The following TSN variants were observed in gnomAD, a reference collection of about 807,000 sequenced individuals.
The protein encoded by TSN is translin, also known as component 3 of promoter of RISC.
TSN carries 5 observed loss-of-function variants against 29.4 expected under a neutral mutation model. That is an observed-to-expected ratio of 0.17 (90% CI 0.09 to 0.36). TSN has a LOEUF of 0.36. Among genes scored for constraint, TSN ranks in the 10% least tolerant of loss-of-function variants. The probability of loss-of-function intolerance (pLI) is 1.00; values close to 1 mark genes in which losing one functional copy is unlikely to be tolerated. For synonymous variants in TSN, 106 were observed against 102.2 expected, an observed-to-expected ratio of 1.04 and a Z score of -0.23; for missense variants, 159 against 272.8, an observed-to-expected ratio of 0.58 and a Z score of 2.94.
Position 121,759,535 on chromosome 2 carries a change from C to T in TSN, c.257+729C>T, listed in dbSNP as rs996499757. 2.0e-5 allele frequency among the ~76,000 whole-genome samples: 3 copies of T among 151,984 alleles called. No individual in the cohort carries two copies. In the South Asian group the frequency reaches 6.2e-4, roughly 32 times the overall value. ...AGGCAGGAGAATCGCTTGAACCAGG[C>T]AGGCGGAGGTTGCAGTGAGCCAAGA... On this transcript the variant is annotated intron_variant, in intron 3 of 5. Coordinates refer to ENST00000389682, the MANE Select transcript of TSN (RefSeq NM_004622.3).
At chr2:121,763,886 T>A (rs1053565620) in intron 5 of TSN, among the ~76,000 whole-genome samples, 23 of 152,238 alleles carry the variant, frequency 1.5e-4, no homozygotes, top group African/African-American at 5.5e-4. Flanking sequence ...TAAGAAAAAG[T>A]TTGCTTGTCC....
In TSN at chr2:121,761,386, T is replaced by G. The variant is rs765590137; in HGVS notation, c.258-23T>G. The stretch of plus-strand genomic sequence containing the variant: ...TCTGAAGGTCCCTAACCTTGGAGGC[T>G]AAATGTGCTTATTTTCATGCAGATT... On this transcript the variant is annotated intron_variant, in intron 3 of 5. Transcript: ENST00000389682. 17 of 1,585,520 alleles carry G rather than the reference T, an allele frequency of 1.1e-5. No homozygotes were observed. In the Admixed American group the frequency reaches 2.8e-4, roughly 26 times the overall value.
rs1308764243 is a variant in TSN, at chr2:121,766,933, G to C, written c.*1566G>C. 2.6e-5 allele frequency: 4 copies of C among 152,302 alleles called. No homozygotes were observed. The East Asian group carries it at 7.7e-4, about 29-fold the overall frequency. The allele number at this position is 152,302 out of a possible 1,614,324, so 9.4% of individuals were successfully genotyped here. On this transcript the variant is annotated 3_prime_UTR_variant, in exon 6 of 6. Transcript: ENST00000389682. ...ATTGGGATTTTAGAACAATTTTCTT[G>C]TGACAGCTCTTTTTGTGAAGTTAGG...
Position 121,761,392 on chromosome 2 carries a change from T to G in TSN, c.258-17T>G. 6.2e-7 allele frequency: 1 copy of G among 1,601,924 alleles called. No homozygotes were observed. The highest frequency in any genetic ancestry group is 1.1e-5 in the South Asian group (1 of 90,804). ...GGTCCCTAACCTTGGAGGCTAAATG[T>G]GCTTATTTTCATGCAGATTTCATGA... On this transcript the variant is annotated splice_polypyrimidine_tract_variant and intron_variant, in intron 3 of 5. Coordinates refer to ENST00000389682, the MANE Select transcript of TSN (RefSeq NM_004622.3).
chr2:121,757,981 CTT>C (rs1350282155), intron 2 of TSN, among the ~76,000 whole-genome samples: 1 of 151,768 alleles, frequency 6.6e-6, no homozygotes, highest in African/African-American at 2.4e-5. Flanking sequence ...GTTTGTAACT[CTT>C]TTGTGTTATC....
At chr2:121,759,453 C>T (rs894971611) in intron 3 of TSN, among the ~76,000 whole-genome samples, 1 of 151,988 alleles carries the variant, frequency 6.6e-6, no homozygotes, top group East Asian at 1.9e-4. Context: ...ACTAAAAATA[C>T]GAAAATTAGC....
rs2074767389 is a variant in TSN, at chr2:121,757,500, A to G, written c.160+167A>G. On this transcript the variant is annotated intron_variant, in intron 2 of 5. Coordinates refer to ENST00000389682, the MANE Select transcript of TSN (RefSeq NM_004622.3). ...GTTGATTTTTCTTCCACTTCCACAC[A>G]GTATGGTTTAAACAGAGATGTTTTC... The G allele has an allele frequency of 3.8e-6, 5 of 1,327,714 alleles. No individual in the cohort carries two copies. The South Asian group carries it at 3.9e-5, about 10-fold the overall frequency. The allele number at this position is 1,327,714 out of a possible 1,614,324, so 82.2% of individuals were successfully genotyped here. A position where few individuals can be genotyped will look rare whatever the true frequency, so the allele number is the denominator to read the frequency against.
At chr2:121,761,573 C>A in intron 4 of TSN, 49 bp downstream of exon 4, 2 of 1,414,428 alleles carry the variant, frequency 1.4e-6, no homozygotes, top group South Asian at 1.2e-5. Flanking sequence ...TGGTTGCTTA[C>A]TTTTTGGTGG....
rs1573390139 is a variant in TSN, at chr2:121,761,747, C to G, written c.373+223C>G. Among the ~76,000 whole-genome samples the G allele has an allele frequency of 2.6e-5, 4 of 152,274 alleles. No individual in the cohort carries two copies. The Middle Eastern group carries it at 0.01, about 388-fold the overall frequency. ...AACTGGTGTAGTATTTGCATATAACCTATACACATTCTCCCACATACTTTA... is the reference window on the plus strand; with the variant it reads ...AACTGGTGTAGTATTTGCATATAACGTATACACATTCTCCCACATACTTTA... On this transcript the variant is annotated intron_variant, in intron 4 of 5. Transcript: ENST00000389682.
At chr2:121,760,024 C>T (rs555493271) in intron 3 of TSN, among the ~76,000 whole-genome samples, 1 of 152,312 alleles carries the variant, frequency 6.6e-6, no homozygotes, top group African/African-American at 2.4e-5. Flanking sequence ...GTTCCCAACC[C>T]CCAGGCCATG....
intron 1 of TSN, chr2:121,756,835 G>A: frequency 3.4e-6 from 1 of 292,798 alleles, no homozygotes; most frequent in Non-Finnish European, 6.7e-6. Context: ...CGTGAACCCG[G>A]GAGGCGGAGG....
intron 3 of TSN, among the ~76,000 whole-genome samples, chr2:121,760,250 G>C (rs2074805340): frequency 6.6e-6 from 1 of 152,186 alleles, no homozygotes; most frequent in South Asian, 2.1e-4. Context: ...TAGGTTGCAT[G>C]CTCCTTATGA....
At chr2:121,761,828 T>A (rs1001243966) in intron 4 of TSN, among the ~76,000 whole-genome samples, 7 of 97,004 alleles carry the variant, frequency 7.2e-5, no homozygotes, top group Non-Finnish European at 1.1e-4. Context: ...ATGTAAATAT[T>A]TTTTTTTTTT....
At chr2:121,763,137 G>GTTTTT (rs1009875344) in intron 5 of TSN, 53 bp downstream of exon 5, 476 of 507,858 alleles carry the variant, frequency 9.4e-4, no homozygotes, top group South Asian at 3.2e-3. Context: ...TTCACTGTCA[G>GTTTTT]TTTTTTTTTT....
At chr2:121,764,246 G>A (rs1321159815) in intron 5 of TSN, among the ~76,000 whole-genome samples, 1 of 152,164 alleles carries the variant, frequency 6.6e-6, no homozygotes, top group Non-Finnish European at 1.5e-5. Flanking sequence ...GCTTGTTGGA[G>A]ACACCTGACC....
At chr2:121,756,030 C>G in intron 1 of TSN, 185 bp downstream of exon 1, 2 of 1,272,716 alleles carry the variant, frequency 1.6e-6, no homozygotes, top group African/African-American at 1.5e-5. Flanking sequence ...GTCCTGATTC[C>G]CCGTGTTCGA....
At chr2:121,755,932 G>T (rs1490805357) in intron 1 of TSN, 87 bp downstream of exon 1, 4 of 1,593,808 alleles carry the variant, frequency 2.5e-6, no homozygotes, top group Non-Finnish European at 3.4e-6. Flanking sequence ...CTCAGTCTCG[G>T]GCGGTGGGGA....
chr2:121,760,316 C>T (rs1288806554), intron 3 of TSN, among the ~76,000 whole-genome samples: 1 of 152,152 alleles, frequency 6.6e-6, no homozygotes, highest in Non-Finnish European at 1.5e-5. Flanking sequence ...ACCATCCGCC[C>T]CCCTTCTGTG....
At chr2:121,761,158 A>G (rs1052465077) in intron 3 of TSN, among the ~76,000 whole-genome samples, 2 of 152,252 alleles carry the variant, frequency 1.3e-5, no homozygotes, top group Non-Finnish European at 2.9e-5. Flanking sequence ...GGCGTGAGCC[A>G]TCGCACCCGG....
Sources: allele counts gnomAD v4.1 joint callset (sites outside exome capture counted in the v4.1 genomes callset), GRCh38; gene constraint gnomAD v4.1.1; transcripts MANE v1.5; gene names NCBI Gene and HGNC (gene_info 2026-07-23, HGNC 2026-07-21).